Variants in STK39 observed in about 807,000 individuals in gnomAD.
The protein encoded by STK39 is STE20/SPS1-related proline-alanine-rich protein kinase.
A neutral mutation model predicts 77.8 loss-of-function variants in STK39; 20 were observed. The observed-to-expected ratio is 0.26, with a 90% confidence interval of 0.18 to 0.37. The LOEUF (loss-of-function observed/expected upper bound fraction) is 0.37, where lower values mean the gene tolerates loss of function less well. Among genes scored for constraint, STK39 ranks in the 10% least tolerant of loss-of-function variants. STK39 has a pLI of 1.00. For missense variants in STK39, 479 were observed against 656.5 expected (o/e 0.73, Z 2.95); for synonymous variants, 246 against 234.1 (o/e 1.05, Z -0.47).
chr2:168,053,385 A>T (rs1685445946), intron 14 of STK39, among the ~76,000 whole-genome samples: 1 of 152,200 alleles, frequency 6.6e-6, no homozygotes, highest in Admixed American at 6.5e-5. Flanking sequence ...AATAACATTT[A>T]AAAAATTAAA....
intron 10 of STK39, among the ~76,000 whole-genome samples, chr2:168,118,787 T>C (rs2105484401): frequency 6.6e-6 from 1 of 152,298 alleles, no homozygotes; most frequent in Non-Finnish European, 1.5e-5. Context: ...CAAGGCTTTT[T>C]ACAGACTGGT....
In STK39 at chr2:168,039,425, T is replaced by C. The variant is rs559389449; in HGVS notation, c.1377-22330A>G. On this transcript the variant is annotated intron_variant, in intron 14 of 17. Transcript: ENST00000355999. ...GGCTAACAAGGTGAAACCCCGTCTC[T>C]ACTAAAAATACAAAAAATTAGCCGG... Among the ~76,000 whole-genome samples the C allele has an allele frequency of 8.9e-3, 454 of 51,184 alleles. 123 individuals carry two copies. The highest frequency in any genetic ancestry group is 0.024 in the African/African-American group (433 of 18,294). The allele number at this position is 51,184 out of a possible 152,430, so 33.6% of individuals were successfully genotyped here. A position where few individuals can be genotyped will look rare whatever the true frequency, so the allele number is the denominator to read the frequency against.
intron 16 of STK39, among the ~76,000 whole-genome samples, chr2:167,967,492 C>A (rs1172547428): frequency 6.6e-6 from 1 of 152,082 alleles, no homozygotes; most frequent in Non-Finnish European, 1.5e-5. Flanking sequence ...GCTTGAATAC[C>A]TGTCAGGGCT....
intron 14 of STK39, among the ~76,000 whole-genome samples, chr2:168,031,789 A>G (rs1684839215): frequency 6.6e-6 from 1 of 152,200 alleles, no homozygotes; most frequent in South Asian, 2.1e-4. Flanking sequence ...ATGAGAAAAT[A>G]AACTCCTATT....
intron 10 of STK39, 90 bp from the exon 11 acceptor site, chr2:168,075,321 CA>C: frequency 6.5e-7 from 1 of 1,546,474 alleles, no homozygotes; most frequent in Non-Finnish European, 8.8e-7. Context: ...GCATACACAC[CA>C]ACCTGAAAAT....
intron 10 of STK39, among the ~76,000 whole-genome samples, chr2:168,078,591 G>C (rs764646103): frequency 1.3e-5 from 2 of 152,102 alleles, no homozygotes; most frequent in African/African-American, 2.4e-5. Context: ...AGAACCACCA[G>C]GTAAAATTTC....
chr2:168,119,038 A>G (rs1490753330), intron 10 of STK39, among the ~76,000 whole-genome samples: 1 of 152,126 alleles, frequency 6.6e-6, no homozygotes, highest in African/African-American at 2.4e-5. Flanking sequence ...TCAGCTCTAA[A>G]ATAGGAAAAA....
At chr2:167,967,028 T>G (rs1692176834) in intron 16 of STK39, among the ~76,000 whole-genome samples, 1 of 152,152 alleles carries the variant, frequency 6.6e-6, no homozygotes, top group African/African-American at 2.4e-5. Context: ...AAAACGCTCC[T>G]TACCTGGAAC....
chr2:167,963,661 G>C (rs1692063640), intron 17 of STK39, among the ~76,000 whole-genome samples: 1 of 152,104 alleles, frequency 6.6e-6, no homozygotes, highest in Admixed American at 6.6e-5. Flanking sequence ...AATTCCTTCA[G>C]ATATATCTTT....
intron 16 of STK39, among the ~76,000 whole-genome samples, chr2:168,010,471 T>C (rs1277566154): frequency 6.6e-6 from 1 of 152,204 alleles, no homozygotes; most frequent in Non-Finnish European, 1.5e-5. Flanking sequence ...CCCTCTCACA[T>C]TTGATTAGAA....
At chr2:168,222,132 T>C (rs1389379967) in intron 1 of STK39, among the ~76,000 whole-genome samples, 2 of 152,198 alleles carry the variant, frequency 1.3e-5, no homozygotes, top group East Asian at 3.8e-4. Flanking sequence ...TATTCCAGTC[T>C]GGTTTCAATG....
chr2:168,125,401 C>T (rs1458470656), intron 10 of STK39, among the ~76,000 whole-genome samples: 1 of 152,092 alleles, frequency 6.6e-6, no homozygotes, highest in South Asian at 2.1e-4. Context: ...GGAGAGGCAG[C>T]GATGGCTACA....
intron 1 of STK39, among the ~76,000 whole-genome samples, chr2:168,219,403 G>A (rs1407449444): frequency 6.6e-6 from 1 of 152,080 alleles, no homozygotes; most frequent in Non-Finnish European, 1.5e-5. Flanking sequence ...GGCACTATGG[G>A]GACTTCCTAC....
chr2:168,068,931 T>C (rs1468802498), intron 12 of STK39, among the ~76,000 whole-genome samples: 1 of 152,210 alleles, frequency 6.6e-6, no homozygotes, highest in Non-Finnish European at 1.5e-5. Flanking sequence ...TATTTTTTTT[T>C]TCTGAGATGG....
chr2:168,099,967 T>G (rs2105448725), intron 10 of STK39, among the ~76,000 whole-genome samples: 1 of 152,246 alleles, frequency 6.6e-6, no homozygotes, highest in East Asian at 1.9e-4. Context: ...CCAGCCTATT[T>G]CAAGTGGAAC....
chr2:168,197,619 T>G (rs1689504647), intron 1 of STK39, among the ~76,000 whole-genome samples: 1 of 152,232 alleles, frequency 6.6e-6, no homozygotes, highest in East Asian at 1.9e-4. Flanking sequence ...TGCCCTCCTA[T>G]AAAGAAATGT....
At chr2:167,999,272 C>CT (rs913374482) in intron 16 of STK39, among the ~76,000 whole-genome samples, 50 of 152,226 alleles carry the variant, frequency 3.3e-4, no homozygotes, top group South Asian at 6.2e-4. Flanking sequence ...TCATTATTGT[C>CT]TTTTTTTATA....
At chr2:168,243,449 C>T (rs933531834) in intron 1 of STK39, among the ~76,000 whole-genome samples, 23 of 152,134 alleles carry the variant, frequency 1.5e-4, no homozygotes, top group African/African-American at 5.3e-4. Context: ...TCAAATTCTT[C>T]GTGTTGACTA....
Position 168,018,883 on chromosome 2 carries a change from A to G in STK39, c.1377-1788T>C, listed in dbSNP as rs151162059. Among the ~76,000 whole-genome samples the G allele has an allele frequency of 2.1e-3, 319 of 152,306 alleles. 4 individuals are homozygous for G. The highest frequency in any genetic ancestry group is 7.4e-3 in the African/African-American group (308 of 41,560). ...AGAGCAAGGAGGCCCACAAGGATAC[A>G]CAGGGCATGGCACTTGCTGAAAGAA... is the stretch of plus-strand genomic sequence containing the variant. On this transcript the variant is annotated intron_variant, in intron 14 of 17. Coordinates refer to ENST00000355999, the MANE Select transcript of STK39 (RefSeq NM_013233.3).
Sources: allele counts gnomAD v4.1 joint callset (sites outside exome capture counted in the v4.1 genomes callset), GRCh38; gene constraint gnomAD v4.1.1; transcripts MANE v1.5; gene names NCBI Gene and HGNC (gene_info 2026-07-23, HGNC 2026-07-21).